The following UNC119B variants were observed in gnomAD, a reference collection of about 807,000 sequenced individuals.
The protein encoded by UNC119B is protein unc-119 homolog B.
In UNC119B, 16 loss-of-function variants were observed where a neutral mutation model predicts 23.4. The observed-to-expected ratio is 0.68, with a 90% CI of 0.46 to 1.04. The LOEUF is 1.04. Ranked by LOEUF, UNC119B falls within the 50% of genes least tolerant of loss-of-function variation. The probability of loss-of-function intolerance (pLI) is 0.00; values close to 1 mark genes in which losing one functional copy is unlikely to be tolerated. For missense variants in UNC119B, 350 were observed against 361.3 expected (o/e 0.97, Z 0.25); for synonymous variants, 144 against 145.4 (o/e 0.99, Z 0.07).
Position 120,710,469 on chromosome 12 carries a change from G to C in UNC119B, c.-6G>C. 4 of 1,288,750 alleles carry C rather than the reference G, an allele frequency of 3.1e-6. No individual in the cohort carries two copies. Among genetic ancestry groups the C allele is most frequent in the Non-Finnish European group, 3.9e-6 (4 of 1,019,458 alleles). 79.8% of individuals were successfully genotyped at this position (1,288,750 alleles called of 1,614,324 possible). ...TGGAGGCGGCGGCCATCTTGGCGGC[G>C]GAGCGATGAGCGGGTCTAACCCGAA... On this transcript the variant is annotated 5_prime_UTR_variant, in exon 1 of 5. Transcript: ENST00000344651.
Position 120,719,956 on chromosome 12 carries a change from C to T in UNC119B, c.680C>T (p.Ser227Phe). The T allele has an allele frequency of 6.2e-7, 1 of 1,614,198 alleles. No individual in the cohort carries two copies. The highest frequency in any genetic ancestry group is 8.5e-7 in the Non-Finnish European group (1 of 1,180,042). The change falls in exon 5 of 5, where the codon TCT (serine) becomes TTT (phenylalanine). Residue 227 changes from serine (S) to phenylalanine (F), a missense_variant. Transcript: ENST00000344651. Reference protein sequence around the residue: ...LMIENPYETRSDSFYFVDNKL... With the variant: ...LMIENPYETRFDSFYFVDNKL... ...ATTGAAAATCCTTACGAGACCCGCT[C>T]TGACAGCTTCTACTTTGTTGACAAC...
In UNC119B at chr12:120,720,148, A is replaced by G; in HGVS notation, c.*116A>G. 5 of 761,084 alleles carry G rather than the reference A, an allele frequency of 6.6e-6. No individual in the cohort carries two copies. Among genetic ancestry groups the G allele is most frequent in the Non-Finnish European group, 1.1e-5 (5 of 465,578 alleles). 47.1% of individuals were successfully genotyped at this position (761,084 alleles called of 1,614,324 possible). On this transcript the variant is annotated 3_prime_UTR_variant, in exon 5 of 5. Coordinates refer to ENST00000344651, the MANE Select transcript of UNC119B (RefSeq NM_001080533.3). Reference sequence around the variant, plus strand: ...ATCTGGAACCTGGCCCCAGGAAGCCAAGGCTGGGGTGGCAGTTTCCTGCGC... The same window carrying G: ...ATCTGGAACCTGGCCCCAGGAAGCCGAGGCTGGGGTGGCAGTTTCCTGCGC...
At position 120,720,764 on chromosome 12, in the gene UNC119B, T is replaced by C. The variant is rs1298302980; in HGVS notation, c.*732T>C. On this transcript the variant is annotated 3_prime_UTR_variant, in exon 5 of 5. Transcript: ENST00000344651. ...ACAAGCTTGCTCCACATCTCCTGGCTCCTCCCTTCTGAGTCTCATGAAATA... is the reference window on the plus strand; with the variant it reads ...ACAAGCTTGCTCCACATCTCCTGGCCCCTCCCTTCTGAGTCTCATGAAATA... The C allele has an allele frequency of 1.3e-5, 2 of 152,260 alleles. No homozygotes were observed. Among genetic ancestry groups the C allele is most frequent in the South Asian group, 2.1e-4 (1 of 4,836 alleles). 9.4% of individuals were successfully genotyped at this position (152,260 alleles called of 1,614,324 possible).
chr12:120,715,377 G>A (rs1882755316), intron 2 of UNC119B, among the ~76,000 whole-genome samples: 1 of 152,156 alleles, frequency 6.6e-6, no homozygotes, highest in Non-Finnish European at 1.5e-5. Context: ...TCGCTCTTGG[G>A]CTTGTCAAAA....
chr12:120,718,912 G>A (rs1194815613), intron 4 of UNC119B, among the ~76,000 whole-genome samples: 11 of 152,180 alleles, frequency 7.2e-5, no homozygotes, highest in Admixed American at 7.2e-4. Context: ...GACAGCATCT[G>A]GTTCTGACTT....
rs55906857 is a variant in UNC119B, at chr12:120,715,521, C to CTTTTTTTTT, written c.359-1086_359-1078dup. 2.8e-4 allele frequency among the ~76,000 whole-genome samples: 20 copies of CTTTTTTTTT among 71,516 alleles called. 1 individual carries two copies. Among genetic ancestry groups the CTTTTTTTTT allele is most frequent in the East Asian group, 1.1e-3 (2 of 1,756 alleles). 46.9% of individuals were successfully genotyped at this position (71,516 alleles called of 152,430 possible). A position where few individuals can be genotyped will look rare whatever the true frequency, so the allele number is the denominator to read the frequency against. On this transcript the variant is annotated intron_variant, in intron 2 of 4. Transcript: ENST00000344651. ...ACATTAGAATGCTTGTTCTCTGATT[C>CTTTTTTTTT]TTTTTTTTTTTTTTTTTTTTTTTTT...
intron 2 of UNC119B, among the ~76,000 whole-genome samples, 154 bp from the exon 3 acceptor site, chr12:120,716,474 C>T (rs1198897281): frequency 6.6e-6 from 1 of 152,212 alleles, no homozygotes; most frequent in Non-Finnish European, 1.5e-5. Flanking sequence ...TGGCAAGTGT[C>T]CTGCTATATA....
chr12:120,719,115 G>GCAA (rs1882839045), intron 4 of UNC119B, among the ~76,000 whole-genome samples: 2 of 152,284 alleles, frequency 1.3e-5, no homozygotes, highest in Admixed American at 1.3e-4. Context: ...ACTGTGGTGA[G>GCAA]CAACAGCATT....
At chr12:120,719,792 T>G in intron 4 of UNC119B, 128 bp from the exon 5 acceptor site, 1 of 653,118 alleles carries the variant, frequency 1.5e-6, no homozygotes. Flanking sequence ...TCATCGTTAT[T>G]CTGGCAGAGT....
chr12:120,713,194 T>G (rs1882703308), intron 1 of UNC119B, 80 bp from the exon 2 acceptor site: 14 of 1,213,228 alleles, frequency 1.2e-5, no homozygotes, highest in African/African-American at 1.5e-5. Context: ...AATCTGAGTT[T>G]GCTTCAAAAC....
rs779524842 is a variant in UNC119B at position 120,713,353 on chromosome 12, A to G, written c.324A>G (p.Thr108=). ...AAATTCGAGATTTGGAGACAGGGAC[A>G]GTACTTTTTGAGATTGCCAAACCTT... ...RFKIRDLETG[T]VLFEIAKPCV... The change falls in exon 2 of 5, where the codon ACA becomes ACG. Residue 108 remains threonine (T), a synonymous_variant. Coordinates refer to ENST00000344651, the MANE Select transcript of UNC119B (RefSeq NM_001080533.3). The G allele has an allele frequency of 6.8e-6, 11 of 1,614,038 alleles. No homozygotes were observed. Among genetic ancestry groups the G allele is most frequent in the South Asian group, 5.5e-5 (5 of 91,082 alleles).
intron 4 of UNC119B, among the ~76,000 whole-genome samples, chr12:120,719,010 A>C (rs976661808): frequency 1.3e-4 from 20 of 152,362 alleles, no homozygotes; most frequent in African/African-American, 4.3e-4. Context: ...CATGAAGCCA[A>C]ATCAGCCTGG....
intron 4 of UNC119B, among the ~76,000 whole-genome samples, chr12:120,718,111 G>A (rs1157844158): frequency 6.6e-6 from 1 of 151,974 alleles, no homozygotes; most frequent in Non-Finnish European, 1.5e-5. Flanking sequence ...CTCGTGATCC[G>A]CCTGCTTCGG....
chr12:120,717,523 C>T (rs1309743338), intron 4 of UNC119B, among the ~76,000 whole-genome samples: 1 of 151,730 alleles, frequency 6.6e-6, no homozygotes, highest in East Asian at 1.9e-4. Context: ...TCCCACAATG[C>T]TGGGATTACA....
intron 1 of UNC119B, among the ~76,000 whole-genome samples, chr12:120,712,392 C>T (rs966437791): frequency 6.6e-6 from 1 of 152,140 alleles, no homozygotes; most frequent in Non-Finnish European, 1.5e-5. Flanking sequence ...AATAAAAGAT[C>T]AAGTATCAAA....
At chr12:120,713,436 C>G in intron 2 of UNC119B, 49 bp downstream of exon 2, 1 of 1,391,382 alleles carries the variant, frequency 7.2e-7, no homozygotes, top group Non-Finnish European at 1.0e-6. Flanking sequence ...AGCCAAAGGT[C>G]TTTGAAACTC....
intron 1 of UNC119B, 142 bp downstream of exon 1, chr12:120,710,860 G>T (rs760977489): frequency 1.6e-4 from 128 of 821,250 alleles, no homozygotes; most frequent in Non-Finnish European, 2.0e-4. Context: ...CTGCCCCGCC[G>T]GCCGGGCTTT....
chr12:120,718,652 T>C (rs1882830129), intron 4 of UNC119B, among the ~76,000 whole-genome samples: 1 of 152,210 alleles, frequency 6.6e-6, no homozygotes, highest in Non-Finnish European at 1.5e-5. Flanking sequence ...TCTGCAACTT[T>C]GGCCTAGCCA....
At chr12:120,715,592 G>A (rs1014086214) in intron 2 of UNC119B, among the ~76,000 whole-genome samples, 2 of 132,384 alleles carry the variant, frequency 1.5e-5, no homozygotes, top group Non-Finnish European at 3.1e-5. Context: ...GGAGTGCAAT[G>A]GCACAATCTC....
Sources: allele counts gnomAD v4.1 joint callset (sites outside exome capture counted in the v4.1 genomes callset), GRCh38; gene constraint gnomAD v4.1.1; transcripts MANE v1.5; gene names NCBI Gene and HGNC (gene_info 2026-07-23, HGNC 2026-07-21).